Variants in STAU2 observed in about 807,000 individuals in gnomAD.
STAU2 encodes double-stranded RNA-binding protein Staufen homolog 2.
In STAU2, 20 loss-of-function variants were observed where a neutral mutation model predicts 65.9. That is an observed-to-expected ratio of 0.30 (90% CI 0.21 to 0.44). The LOEUF is 0.44. Among genes scored for constraint, STAU2 ranks in the 20% least tolerant of loss-of-function variants. The pLI is 1.00. For synonymous variants in STAU2, 232 were observed against 233.9 expected (o/e 0.99, Z 0.07); for missense variants, 558 against 683.9 (o/e 0.82, Z 2.05).
At chr8:73,554,151 G>A (rs1807549432) in intron 12 of STAU2, among the ~76,000 whole-genome samples, 1 of 152,128 alleles carries the variant, frequency 6.6e-6, no homozygotes, top group Admixed American at 6.5e-5. Context: ...GCTTGTCTCA[G>A]TCCCATCAGA....
intron 9 of STAU2, among the ~76,000 whole-genome samples, chr8:73,610,696 T>C (rs1812385736): frequency 6.6e-6 from 1 of 152,222 alleles, no homozygotes; most frequent in Non-Finnish European, 1.5e-5. Flanking sequence ...CTTGTAATAA[T>C]TGTGTCCAGA....
intron 12 of STAU2, among the ~76,000 whole-genome samples, chr8:73,558,143 A>G (rs1314093329): frequency 6.6e-6 from 1 of 152,196 alleles, no homozygotes; most frequent in African/African-American, 2.4e-5. Flanking sequence ...TAGCCTCCTA[A>G]AAGAACAGGT....
At chr8:73,517,483 A>C (rs1222720369) in intron 13 of STAU2, among the ~76,000 whole-genome samples, 2 of 152,142 alleles carry the variant, frequency 1.3e-5, no homozygotes, top group Non-Finnish European at 2.9e-5. Flanking sequence ...TGCAGGTCCA[A>C]AACTGAACAA....
chr8:73,726,831 G>A (rs984831222), intron 3 of STAU2, among the ~76,000 whole-genome samples: 9 of 152,054 alleles, frequency 5.9e-5, no homozygotes, highest in African/African-American at 1.7e-4. Context: ...TTTCTTTTCA[G>A]AAAATGTTTA....
At chr8:73,606,101 G>A (rs959338894) in intron 9 of STAU2, among the ~76,000 whole-genome samples, 6 of 151,934 alleles carry the variant, frequency 3.9e-5, no homozygotes, top group South Asian at 2.1e-4. Flanking sequence ...AGACGTAAAT[G>A]TAATTTCTAA....
At chr8:73,445,875 T>C (rs917468117) in intron 13 of STAU2, among the ~76,000 whole-genome samples, 1 of 152,228 alleles carries the variant, frequency 6.6e-6, no homozygotes, top group Non-Finnish European at 1.5e-5. Flanking sequence ...CCACTTCTGA[T>C]GGGAATGTAA....
intron 6 of STAU2, among the ~76,000 whole-genome samples, chr8:73,628,483 G>A (rs1043825826): frequency 1.3e-5 from 2 of 152,120 alleles, no homozygotes; most frequent in Admixed American, 1.3e-4. Flanking sequence ...TCTTTGAGTT[G>A]TAAGAATATT....
At chr8:73,538,319 A>G (rs1469207333) in intron 13 of STAU2, among the ~76,000 whole-genome samples, 2 of 152,166 alleles carry the variant, frequency 1.3e-5, no homozygotes, top group Non-Finnish European at 2.9e-5. Flanking sequence ...AAAGTTTAAA[A>G]TCCCTTTTTA....
chr8:73,737,742 A>G (rs1806546794), intron 3 of STAU2, among the ~76,000 whole-genome samples: 1 of 151,944 alleles, frequency 6.6e-6, no homozygotes, highest in South Asian at 2.1e-4. Flanking sequence ...ACAATGTTCT[A>G]TTTGATCGGG....
chr8:73,557,750 C>T lies in STAU2; in HGVS notation c.1223-5431G>A, dbSNP rs1014253586. 2.6e-5 allele frequency among the ~76,000 whole-genome samples: 4 copies of T among 152,332 alleles called. No homozygotes were observed. The South Asian group carries it at 6.2e-4, about 24-fold the overall frequency. ...TTTTGCTCATGGACTTCAACCACTA[C>T]ACTTCCCTCGCTCAGGCTTGTAACA... On this transcript the variant is annotated intron_variant, in intron 12 of 14. Transcript: ENST00000524300.
chr8:73,492,701 A>G (rs1282474770), intron 13 of STAU2, among the ~76,000 whole-genome samples: 2 of 151,868 alleles, frequency 1.3e-5, no homozygotes, highest in African/African-American at 4.8e-5. Context: ...GGTTGATGGG[A>G]GTGTAAAAGA....
chr8:73,676,975 T>G (rs1818069171), intron 5 of STAU2, among the ~76,000 whole-genome samples: 1 of 152,166 alleles, frequency 6.6e-6, no homozygotes, highest in African/African-American at 2.4e-5. Context: ...ATCTGATAAA[T>G]TATATGAATC....
At chr8:73,650,886 A>G (rs1352501745) in intron 6 of STAU2, among the ~76,000 whole-genome samples, 1 of 152,240 alleles carries the variant, frequency 6.6e-6, no homozygotes, top group Non-Finnish European at 1.5e-5. Context: ...ACAGAAAAAT[A>G]TATATGTAAG....
At chr8:73,666,685 C>T (rs138529466) in intron 6 of STAU2, among the ~76,000 whole-genome samples, 500 of 152,286 alleles carry the variant, frequency 3.3e-3, no homozygotes, top group African/African-American at 0.011. Flanking sequence ...ATATACTAAA[C>T]ACATCTAATG....
intron 13 of STAU2, among the ~76,000 whole-genome samples, chr8:73,483,465 T>C (rs748755075): frequency 6.6e-6 from 1 of 152,092 alleles, no homozygotes; most frequent in Non-Finnish European, 1.5e-5. Flanking sequence ...ATTTTCTTGA[T>C]ATTGAATTTT....
intron 13 of STAU2, among the ~76,000 whole-genome samples, chr8:73,424,501 C>T (rs139202978): frequency 1.3e-5 from 2 of 152,086 alleles, no homozygotes; most frequent in Non-Finnish European, 2.9e-5. Context: ...GCACCCGGCC[C>T]CTCTTTTTGT....
At chr8:73,745,246 T>A (rs1807189567) in intron 1 of STAU2, among the ~76,000 whole-genome samples, 2 of 152,252 alleles carry the variant, frequency 1.3e-5, no homozygotes. Flanking sequence ...TTATGTGATA[T>A]CTCTTGTTTG....
chr8:73,504,377 T>A (rs1228996116), intron 13 of STAU2, among the ~76,000 whole-genome samples: 4 of 152,164 alleles, frequency 2.6e-5, no homozygotes, highest in Admixed American at 2.6e-4. Context: ...TAGTGTTTCA[T>A]GTGAAAGAAA....
At chr8:73,454,412 A>G (rs1353556310) in intron 13 of STAU2, among the ~76,000 whole-genome samples, 1 of 152,246 alleles carries the variant, frequency 6.6e-6, no homozygotes, top group Non-Finnish European at 1.5e-5. Context: ...GCCTACCTTC[A>G]ACTCACATAG....
Sources: allele counts gnomAD v4.1 joint callset (sites outside exome capture counted in the v4.1 genomes callset), GRCh38; gene constraint gnomAD v4.1.1; transcripts MANE v1.5; gene names NCBI Gene and HGNC (gene_info 2026-07-23, HGNC 2026-07-21).